PRKDC: variants seen among roughly 807,000 people sequenced by gnomAD.
PRKDC encodes DNA-dependent protein kinase catalytic subunit.
PRKDC carries 82 observed loss-of-function variants against 486.9 expected under a neutral mutation model. The ratio of observed to expected loss-of-function variants is 0.17; its 90% CI spans 0.14 to 0.20. The LOEUF (loss-of-function observed/expected upper bound fraction) is 0.20. Among genes scored for constraint, PRKDC ranks in the 10% least tolerant of loss-of-function variants. The pLI is 1.00. For missense variants in PRKDC, 4,504 were observed against 5,038.2 expected (o/e 0.89, Z 3.21); for synonymous variants, 1,895 against 1,837.0 (o/e 1.03, Z -0.81).
chr8:47,946,461 C>T (rs771939290), intron 7 of PRKDC, among the ~76,000 whole-genome samples: 1 of 152,124 alleles, frequency 6.6e-6, no homozygotes, highest in Non-Finnish European at 1.5e-5. Flanking sequence ...TCCCATTTCT[C>T]CAATGTTCAA....
chr8:47,858,698 T>C, intron 47 of PRKDC, 63 bp from the exon 48 acceptor site: 1 of 1,442,292 alleles, frequency 6.9e-7, no homozygotes, highest in Non-Finnish European at 9.2e-7. Flanking sequence ...ATTTTGATAT[T>C]ATGGGAAAAC....
rs746467406 is a variant in PRKDC at position 47,907,411 on chromosome 8, TACAC to T, written c.2935-2439_2935-2436del. Among the ~76,000 whole-genome samples the T allele has an allele frequency of 3.6e-4, 53 of 148,886 alleles. 1 individual carries two copies. The highest frequency in any genetic ancestry group is 1.0e-3 in the African/African-American group (42 of 40,536). On this transcript the variant is annotated intron_variant, in intron 25 of 85. Coordinates refer to ENST00000314191, the MANE Select transcript of PRKDC (RefSeq NM_006904.7). Reference sequence around the variant, plus strand: ...GTATACATAGCTATATATATATATATACACACACACACACACACACACACACAAT... The same window carrying T: ...GTATACATAGCTATATATATATATATACACACACACACACACACACACAAT...
chr8:47,813,747 T>C (rs2087383435), intron 68 of PRKDC, among the ~76,000 whole-genome samples: 1 of 152,148 alleles, frequency 6.6e-6, no homozygotes, highest in South Asian at 2.1e-4. Context: ...GCTAATTTTA[T>C]ATTTTTAGTA....
chr8:47,931,419 G>T (rs2090249645), intron 16 of PRKDC, among the ~76,000 whole-genome samples: 1 of 152,136 alleles, frequency 6.6e-6, no homozygotes, highest in South Asian at 2.1e-4. Context: ...GGAAGCCACT[G>T]AAGACAGCAA....
At chr8:47,777,589 A>G in intron 84 of PRKDC, 97 bp downstream of exon 84, 2 of 1,203,882 alleles carry the variant, frequency 1.7e-6, no homozygotes, top group Non-Finnish European at 2.3e-6. Flanking sequence ...ATTTTCATCA[A>G]CATGACTCAA....
intron 11 of PRKDC, among the ~76,000 whole-genome samples, chr8:47,938,250 T>C (rs1396747413): frequency 2.7e-5 from 4 of 146,250 alleles, no homozygotes; most frequent in African/African-American, 1.0e-4. Context: ...CTACTAAAAA[T>C]ACAAAAAAAA....
In PRKDC at chr8:47,839,151, A is replaced by T; in HGVS notation, c.7550T>A (p.Leu2517His). The T allele has an allele frequency of 6.2e-7, 1 of 1,610,098 alleles. No individual in the cohort carries two copies. Among genetic ancestry groups the T allele is most frequent in the Non-Finnish European group, 8.5e-7 (1 of 1,176,390 alleles). ...IQGLIDENPG[L>H]QLIIRNFWSH... is the part of the protein sequence containing the mutation. ...CCCAGCCCAGTTATTCACGTACTGA[A>T]GTCCAGGGTTCTCATCGATCAATCC... The change falls in exon 56 of 86, where the codon CTT (leucine) becomes CAT (histidine). Residue 2517 changes from leucine to histidine, a missense_variant. By Grantham distance (99) the Leu-to-His change is moderately conservative (BLOSUM62 -3). This residue lies in a region of PRKDC where 1,592 missense variants were observed against 1,724.6 expected (regional missense o/e 0.92). Coordinates refer to ENST00000314191, the MANE Select transcript of PRKDC (RefSeq NM_006904.7).
Position 47,960,116 on chromosome 8 carries a change from G to T in PRKDC, c.11C>A (p.Ser4Tyr). The T allele has an allele frequency of 6.7e-7, 1 of 1,502,882 alleles. No individual in the cohort carries two copies. Among genetic ancestry groups the T allele is most frequent in the Non-Finnish European group, 8.8e-7 (1 of 1,129,972 alleles). The allele number at this position is 1,502,882 out of a possible 1,614,324, so 93.1% of individuals were successfully genotyped here. A position where few individuals can be genotyped will look rare whatever the true frequency, so the allele number is the denominator to read the frequency against. Reference sequence around the variant, plus strand: ...CAGGGAGCAACGCACACCGGCTCCGGAGCCCGCCATGCCGCCGAGTCCCGC... The same window carrying T: ...CAGGGAGCAACGCACACCGGCTCCGTAGCCCGCCATGCCGCCGAGTCCCGC... MAG[S>Y]GAGVRCSLLR... is the part of the protein sequence containing the mutation. The change falls in exon 1 of 86, where the codon TCC becomes TAC. Residue 4 changes from serine (S) to tyrosine (Y), a missense_variant. Ser to Tyr is a moderately radical substitution (Grantham distance 144). Around this residue, in one of 6 missense-constraint regions of PRKDC, gnomAD observed 145 missense variants for 136.3 expected, o/e 1.06. Coordinates refer to ENST00000314191, the MANE Select transcript of PRKDC (RefSeq NM_006904.7).
chr8:47,934,313 G>A (rs1292474757), intron 14 of PRKDC, among the ~76,000 whole-genome samples: 1 of 152,320 alleles, frequency 6.6e-6, no homozygotes, highest in African/African-American at 2.4e-5. Flanking sequence ...CAAGGTGGGC[G>A]GATCACCTGA....
chr8:47,818,959 G>A (rs909884045), intron 67 of PRKDC, among the ~76,000 whole-genome samples: 2 of 152,164 alleles, frequency 1.3e-5, no homozygotes, highest in Non-Finnish European at 2.9e-5. Context: ...GCTGCCCGCA[G>A]CCTTCCTGCC....
intron 11 of PRKDC, 108 bp downstream of exon 11, chr8:47,939,442 TC>T: frequency 8.0e-7 from 1 of 1,247,406 alleles, no homozygotes; most frequent in Non-Finnish European, 1.1e-6. Context: ...TATTCAAGGG[TC>T]TACTGTATTG....
rs769950590 is a variant in PRKDC at position 47,882,089 on chromosome 8, G to T, written c.4785C>A (p.Ala1595=). The change falls in exon 37 of 86, where the codon GCC becomes GCA. Residue 1595 remains alanine (A), a synonymous_variant. Coordinates refer to ENST00000314191, the MANE Select transcript of PRKDC (RefSeq NM_006904.7). ...TCTGGTCTAACATGCCGTTCAAAAC[G>T]GCACTCACCTGAGACAATTTCGTTG... The part of the protein sequence containing the change: ...SSVDNTKMVS[A]VLNGMLDQSF... 1.2e-4 allele frequency: 194 copies of T among 1,607,976 alleles called. 4 individuals carry two copies. The South Asian group carries it at 2.1e-3, about 17-fold the overall frequency.
At chr8:47,914,450 C>T (rs1284525721) in intron 23 of PRKDC, among the ~76,000 whole-genome samples, 2 of 152,128 alleles carry the variant, frequency 1.3e-5, no homozygotes, top group African/African-American at 4.8e-5. Flanking sequence ...ATATTTAACA[C>T]CAAATTTCAA....
At chr8:47,927,953 A>G in intron 19 of PRKDC, 63 bp from the exon 20 acceptor site, 1 of 1,328,334 alleles carries the variant, frequency 7.5e-7, no homozygotes, top group Non-Finnish European at 9.7e-7. Flanking sequence ...AATCAACTAA[A>G]AAGTATTTGC....
chr8:47,797,605 GTCAACTACGAAGCCTT>G (rs2087007841), intron 73 of PRKDC, among the ~76,000 whole-genome samples: 1 of 152,168 alleles, frequency 6.6e-6, no homozygotes, highest in Non-Finnish European at 1.5e-5. Context: ...GTCTATAAAT[GTCAACTACGAAGCCTT>G]TCAGAGGCCC....
intron 25 of PRKDC, among the ~76,000 whole-genome samples, chr8:47,907,409 T>TACAC (rs1302961168): frequency 4.0e-5 from 6 of 148,742 alleles, no homozygotes; most frequent in African/African-American, 1.5e-4. Flanking sequence ...TATATATATA[T>TACAC]ATACACACAC....
chr8:47,815,228 T>C (rs2087418106), intron 68 of PRKDC, among the ~76,000 whole-genome samples: 1 of 152,140 alleles, frequency 6.6e-6, no homozygotes, highest in Non-Finnish European at 1.5e-5. Flanking sequence ...AGTTTGCTAT[T>C]GTGAAAAAAA....
At chr8:47,836,254 C>T (rs1031452560) in intron 58 of PRKDC, 84 bp downstream of exon 58, 2 of 1,292,750 alleles carry the variant, frequency 1.5e-6, no homozygotes, top group Non-Finnish European at 2.0e-6. Context: ...ACTTCTCTCA[C>T]AAAAGCCCAA....
At chr8:47,865,152 C>A (rs1023163658) in intron 40 of PRKDC, among the ~76,000 whole-genome samples, 24 of 152,264 alleles carry the variant, frequency 1.6e-4, no homozygotes, top group Non-Finnish European at 2.8e-4. Context: ...CTTTGGGAGG[C>A]CGAGGCTGGC....
Sources: allele counts gnomAD v4.1 joint callset (sites outside exome capture counted in the v4.1 genomes callset), GRCh38; gene constraint gnomAD v4.1.1; regional missense constraint gnomAD v4.1.1; transcripts MANE v1.5; gene names NCBI Gene and HGNC (gene_info 2026-07-23, HGNC 2026-07-21).